The following MLLT10 variants were observed in gnomAD, a reference collection of about 807,000 sequenced individuals.
The protein encoded by MLLT10 is MLLT10 histone lysine methyltransferase DOT1L cofactor.
A neutral mutation model predicts 129.1 loss-of-function variants in MLLT10; 30 were observed. The ratio of observed to expected loss-of-function variants is 0.23; its 90% CI spans 0.17 to 0.32. The LOEUF is 0.32. Among genes scored for constraint, MLLT10 ranks in the 10% least tolerant of loss-of-function variants. The pLI is 1.00. For missense variants in MLLT10, 1,119 were observed against 1,268.3 expected (o/e 0.88, Z 1.79); for synonymous variants, 490 against 446.4 (o/e 1.10, Z -1.23).
chr10:21,616,091 T>C (rs935602081), intron 7 of MLLT10, among the ~76,000 whole-genome samples: 22 of 152,134 alleles, frequency 1.4e-4, no homozygotes, highest in Non-Finnish European at 2.1e-4. Flanking sequence ...GGTTCTTGTA[T>C]ACGAATTACT....
intron 3 of MLLT10, among the ~76,000 whole-genome samples, chr10:21,553,316 G>A (rs929009047): frequency 6.6e-6 from 1 of 151,760 alleles, no homozygotes; most frequent in African/African-American, 2.4e-5. Flanking sequence ...CAAGTCCAAA[G>A]CAGTTCTAAT....
At chr10:21,562,673 A>G (rs1304305838) in intron 3 of MLLT10, among the ~76,000 whole-genome samples, 2 of 151,900 alleles carry the variant, frequency 1.3e-5, no homozygotes, top group East Asian at 1.9e-4. Flanking sequence ...TCTTAGCAAC[A>G]TTAAGGTATT....
Position 21,670,528 on chromosome 10 carries a change from C to T in MLLT10, c.875C>T (p.Ala292Val), listed in dbSNP as rs778742085. 4 of 1,614,100 alleles carry T rather than the reference C, an allele frequency of 2.5e-6. No homozygotes were observed. The South Asian group carries it at 4.4e-5, about 18-fold the overall frequency. The change falls in exon 10 of 23, where the codon GCA becomes GTA. Residue 292 changes from alanine to valine, a missense_variant. By Grantham distance (64) the Ala-to-Val change is moderately conservative. Coordinates refer to ENST00000307729, the MANE Select transcript of MLLT10 (RefSeq NM_001195626.3). The stretch of plus-strand genomic sequence containing the variant: ...GATACTACTGCACGATTTACAAATG[C>T]AAATTTCCAGGAAGTCTCTGCACAC... ...LEDTTARFTN[A>V]NFQEVSAHTS...
intron 13 of MLLT10, chr10:21,708,871 G>GCTTT: frequency 2.2e-6 from 1 of 465,006 alleles, no homozygotes; most frequent in Non-Finnish European, 2.8e-6. Flanking sequence ...TTTAATGAAA[G>GCTTT]CATTAACACC....
intron 3 of MLLT10, among the ~76,000 whole-genome samples, chr10:21,543,569 C>T (rs2035577859): frequency 6.6e-6 from 1 of 152,168 alleles, no homozygotes; most frequent in Non-Finnish European, 1.5e-5. Context: ...ACCTCCGCCT[C>T]CCGGGTTCAA....
intron 6 of MLLT10, among the ~76,000 whole-genome samples, chr10:21,614,536 T>C (rs1477615886): frequency 6.6e-6 from 1 of 152,130 alleles, no homozygotes; most frequent in Non-Finnish European, 1.5e-5. Flanking sequence ...AGAGAATGTA[T>C]CTTAAACTTA....
intron 8 of MLLT10, among the ~76,000 whole-genome samples, chr10:21,643,827 C>T (rs553226750): frequency 6.6e-6 from 1 of 152,008 alleles, no homozygotes; most frequent in Non-Finnish European, 1.5e-5. Flanking sequence ...TTTGAATATA[C>T]CTTCTGTTCC....
intron 11 of MLLT10, among the ~76,000 whole-genome samples, chr10:21,677,966 A>G (rs1322440269): frequency 6.6e-6 from 1 of 152,252 alleles, no homozygotes; most frequent in Non-Finnish European, 1.5e-5. Flanking sequence ...CATTATTTTA[A>G]GAAATGAATG....
chr10:21,686,550 A>C (rs979939229), intron 13 of MLLT10, among the ~76,000 whole-genome samples: 10 of 152,206 alleles, frequency 6.6e-5, no homozygotes, highest in African/African-American at 2.4e-4. Flanking sequence ...TCCTTACCTG[A>C]AAACACCAAT....
At chr10:21,700,804 T>A (rs1213616836) in intron 13 of MLLT10, among the ~76,000 whole-genome samples, 1 of 152,170 alleles carries the variant, frequency 6.6e-6, no homozygotes, top group Non-Finnish European at 1.5e-5. Context: ...GTAGTTTCCT[T>A]TTTTGATGTT....
chr10:21,554,832 T>C (rs535544942), intron 3 of MLLT10, among the ~76,000 whole-genome samples: 4 of 151,770 alleles, frequency 2.6e-5, no homozygotes, highest in East Asian at 1.9e-4. Flanking sequence ...TTCTTTCTTT[T>C]TTTTTTTTAG....
chr10:21,667,856 T>A (rs1311758612), intron 9 of MLLT10, among the ~76,000 whole-genome samples: 1 of 152,140 alleles, frequency 6.6e-6, no homozygotes, highest in Non-Finnish European at 1.5e-5. Context: ...GTAAATAATT[T>A]TTGTTTCCAC....
chr10:21,739,888 C>T (rs183881666), intron 21 of MLLT10, 142 bp from the exon 22 acceptor site: 1 of 668,638 alleles, frequency 1.5e-6, no homozygotes, highest in Non-Finnish European at 2.6e-6. Context: ...TTATCTAGTG[C>T]AGCATATTTT....
chr10:21,592,998 T>C (rs1232207610), intron 4 of MLLT10, among the ~76,000 whole-genome samples: 2 of 152,202 alleles, frequency 1.3e-5, no homozygotes, highest in Non-Finnish European at 2.9e-5. Context: ...TTTTTTGTAT[T>C]TCTTACTTTT....
rs935999431 is a variant in MLLT10, at chr10:21,651,718, C to G, written c.745C>G (p.Pro249Ala). ...DKHKQKHKKQPEPSPALVPSL... is the reference protein window; with the variant it reads ...DKHKQKHKKQAEPSPALVPSL... ...ACACAAACAGAAACACAAGAAGCAG[C>G]CAGAACCATCACCTGCATTGGTTCC... The change falls in exon 9 of 23, where the codon CCA becomes GCA. Residue 249 changes from proline (P) to alanine (A), a missense_variant. Pro to Ala is a conservative substitution (Grantham distance 27). Around this residue, in one of 5 missense-constraint regions of MLLT10, gnomAD observed 1,004 missense variants for 1,008.7 expected, o/e 1.00. Transcript: ENST00000307729. The G allele has an allele frequency of 1.2e-6, 2 of 1,613,148 alleles. No individual in the cohort carries two copies. The highest frequency in any genetic ancestry group is 2.7e-5 in the African/African-American group (2 of 74,848).
At chr10:21,540,660 A>G (rs762518546) in intron 3 of MLLT10, among the ~76,000 whole-genome samples, 96 of 152,356 alleles carry the variant, frequency 6.3e-4, no homozygotes, top group Non-Finnish European at 8.8e-4. Context: ...CAAACCTACC[A>G]TTTAAAATAT....
chr10:21,567,343 A>G (rs972025003), intron 3 of MLLT10, among the ~76,000 whole-genome samples: 4 of 152,118 alleles, frequency 2.6e-5, no homozygotes, highest in Non-Finnish European at 5.9e-5. Flanking sequence ...AGTTGTTTGC[A>G]GAATTGGGAG....
intron 3 of MLLT10, among the ~76,000 whole-genome samples, chr10:21,566,750 A>T: frequency 1.4e-5 from 2 of 148,020 alleles, no homozygotes; most frequent in Non-Finnish European, 3.0e-5. Context: ...ATTTTTCTTT[A>T]TTGTGTTTTG....
intron 3 of MLLT10, among the ~76,000 whole-genome samples, chr10:21,580,710 C>A (rs1381887717): frequency 6.7e-6 from 1 of 148,872 alleles, no homozygotes; most frequent in African/African-American, 2.5e-5. Flanking sequence ...ATTTTCTTTT[C>A]TTTTTTTTTG....
Sources: allele counts gnomAD v4.1 joint callset (sites outside exome capture counted in the v4.1 genomes callset), GRCh38; gene constraint gnomAD v4.1.1; regional missense constraint gnomAD v4.1.1; transcripts MANE v1.5; gene names NCBI Gene and HGNC (gene_info 2026-07-23, HGNC 2026-07-21).